BSN: variants seen among roughly 807,000 people sequenced by gnomAD.
BSN encodes the protein protein bassoon.
Under a neutral mutation model 264.8 loss-of-function variants are expected in BSN, and 57 were observed. The observed-to-expected ratio is 0.22, with a 90% CI of 0.17 to 0.27. BSN has a LOEUF of 0.27. Among genes scored for constraint, BSN ranks in the 10% least tolerant of loss-of-function variants. BSN has a pLI of 1.00. For missense variants in BSN, 4,615 were observed against 5,232.5 expected (o/e 0.88, Z 3.64); for synonymous variants, 2,059 against 2,137.3 (o/e 0.96, Z 1.01).
chr3:49,604,874 C>T (rs1180319628), intron 1 of BSN, among the ~76,000 whole-genome samples: 2 of 151,880 alleles, frequency 1.3e-5, no homozygotes, highest in Non-Finnish European at 2.9e-5. Flanking sequence ...TCCCTACCTG[C>T]AATCCACAAC....
intron 1 of BSN, among the ~76,000 whole-genome samples, chr3:49,562,344 A>C (rs1411336920): frequency 6.6e-6 from 1 of 152,188 alleles, no homozygotes; most frequent in Non-Finnish European, 1.5e-5. Context: ...GTGAGGAATA[A>C]AAGAAGGAGC....
At chr3:49,592,234 C>G (rs1316225310) in intron 1 of BSN, among the ~76,000 whole-genome samples, 1 of 151,278 alleles carries the variant, frequency 6.6e-6, no homozygotes, top group Admixed American at 6.6e-5. Context: ...CTCAGCCTCC[C>G]GAGTACCTGG....
Position 49,661,649 on chromosome 3 carries a change from G to C in BSN, c.9804G>C (p.Glu3268Asp), listed in dbSNP as rs768615230. 3.7e-6 allele frequency: 6 copies of C among 1,613,648 alleles called. No individual in the cohort carries two copies. Among genetic ancestry groups the C allele is most frequent in the Non-Finnish European group, 5.1e-6 (6 of 1,180,040 alleles). The change falls in exon 6 of 12, where the codon GAG becomes GAC. Residue 3268 changes from glutamate (E) to aspartate (D), a missense_variant. Transcript: ENST00000296452. ...GPGSSGRPGK[E>D]PGEPGVLDGP... is the part of the protein sequence containing the mutation. ...GCAGCAGTGGGCGTCCAGGGAAGGA[G>C]CCTGGAGAACCAGGTGTCCTTGACG...
In BSN at chr3:49,654,662, A is replaced by C. The variant is rs1262058611; in HGVS notation, c.5106A>C (p.Pro1702=). 3.1e-6 allele frequency: 5 copies of C among 1,613,844 alleles called. No homozygotes were observed. Among genetic ancestry groups the C allele is most frequent in the Non-Finnish European group, 4.2e-6 (5 of 1,180,034 alleles). The change falls in exon 5 of 12, where the codon CCA becomes CCC. Residue 1702 remains proline, a synonymous_variant. Transcript: ENST00000296452. This position sits in a 1 kb window ranked among gnomAD's most constrained non-coding sequence, Gnocchi z 4.1. ...EARKYGLALD[P]IPGRQSTAVQ... is the part of the protein sequence containing the mutation. ...GGAAGTATGGTCTTGCCCTGGATCC[A>C]ATCCCAGGACGGCAGTCGACCGCCG...
intron 1 of BSN, among the ~76,000 whole-genome samples, chr3:49,592,710 C>T (rs2051989046): frequency 1.3e-5 from 2 of 150,556 alleles, no homozygotes; most frequent in African/African-American, 2.4e-5. Context: ...GAGATAGCGC[C>T]GCTGCACTCT....
rs1446847990 is a variant in BSN at position 49,638,739 on chromosome 3, G to A, written c.634-3529G>A. 1.3e-5 allele frequency among the ~76,000 whole-genome samples: 2 copies of A among 152,216 alleles called. No homozygotes were observed. The highest frequency in any genetic ancestry group is 2.4e-5 in the African/African-American group (1 of 41,452). On this transcript the variant is annotated intron_variant, in intron 2 of 11. Coordinates refer to ENST00000296452, the MANE Select transcript of BSN (RefSeq NM_003458.4). The surrounding 1 kb of genome is among the most constrained non-coding windows in gnomAD (Gnocchi z 4.3). ...GGGCTGGGGAAAGGAAAGTTCTGGCGGTGAGTGCAGGCGGTTTGGCACGTG... is the reference window on the plus strand; with the variant it reads ...GGGCTGGGGAAAGGAAAGTTCTGGCAGTGAGTGCAGGCGGTTTGGCACGTG...
chr3:49,582,789 A>G (rs1206294638), intron 1 of BSN, among the ~76,000 whole-genome samples: 1 of 152,120 alleles, frequency 6.6e-6, no homozygotes, highest in Non-Finnish European at 1.5e-5. Flanking sequence ...AACTTTTCAT[A>G]AATAGTCCTT....
At chr3:49,606,298 TA>T (rs1372977893) in intron 1 of BSN, among the ~76,000 whole-genome samples, 3 of 112,734 alleles carry the variant, frequency 2.7e-5, no homozygotes, top group East Asian at 2.1e-4. Flanking sequence ...TTATATATAT[TA>T]AAAATATATA....
intron 3 of BSN, among the ~76,000 whole-genome samples, chr3:49,647,220 A>T (rs2052508415): frequency 6.6e-6 from 1 of 152,194 alleles, no homozygotes; most frequent in Non-Finnish European, 1.5e-5. Flanking sequence ...ACAAGGCACA[A>T]TGGCCAGTGG....
At position 49,617,953 on chromosome 3, in the gene BSN, C is replaced by T. The variant is rs2052274472; in HGVS notation, c.225-7022C>T. ...TTCTCGGCTTTCACATACGTAGACT[C>T]ATCATGGCATGGGGCATTGTTGAGT... On this transcript the variant is annotated intron_variant, in intron 1 of 11. Coordinates refer to ENST00000296452, the MANE Select transcript of BSN (RefSeq NM_003458.4). Among the ~76,000 whole-genome samples, 2 of 152,196 alleles carry T rather than the reference C, an allele frequency of 1.3e-5. 1 individual carries two copies. Among genetic ancestry groups the T allele is most frequent in the South Asian group, 4.1e-4 (2 of 4,832 alleles).
chr3:49,660,884 G>A lies in BSN; in HGVS notation c.9039G>A (p.Ser3013=), dbSNP rs145502370. 7.2e-5 allele frequency: 116 copies of A among 1,613,050 alleles called. No homozygotes were observed. In the African/African-American group the frequency reaches 1.3e-3, roughly 18 times the overall value. ...TTGGCGAGCATCGTGACTACCTATC[G>A]GACAGTGAGCTCAACCAGCTGCGGC... ...RGLGEHRDYL[S]DSELNQLRLQ... is the part of the protein sequence containing the mutation. Residue 3013 remains serine, a synonymous_variant, in exon 6 of 12, where the codon TCG becomes TCA. Transcript: ENST00000296452. The surrounding 1 kb of genome is among the most constrained non-coding windows in gnomAD (Gnocchi z 7.1).
At position 49,583,864 on chromosome 3, in the gene BSN, G is replaced by A. The variant is rs148875896; in HGVS notation, c.224+29038G>A. Among the ~76,000 whole-genome samples, 281 of 151,644 alleles carry A rather than the reference G, an allele frequency of 1.9e-3. 1 individual carries two copies. Among genetic ancestry groups the A allele is most frequent in the African/African-American group, 6.5e-3 (269 of 41,306 alleles). ...TGTTCATAGTATTCTCTTGCAATCC[G>A]ATTTATTTATTTATTTATTTATTTA... On this transcript the variant is annotated intron_variant, in intron 1 of 11. Transcript: ENST00000296452.
intron 1 of BSN, among the ~76,000 whole-genome samples, chr3:49,610,212 A>T (rs1450338792): frequency 2.6e-5 from 4 of 152,134 alleles, no homozygotes; most frequent in Non-Finnish European, 5.9e-5. Context: ...TCAAGTTCCC[A>T]TGCTTTTGTA....
At chr3:49,590,477 C>CT (rs1189387546) in intron 1 of BSN, among the ~76,000 whole-genome samples, 5 of 151,622 alleles carry the variant, frequency 3.3e-5, no homozygotes, top group East Asian at 1.9e-4. Flanking sequence ...TAATTTACTA[C>CT]TTTTTTTTAT....
Position 49,661,146 on chromosome 3 carries a change from C to T in BSN, c.9301C>T (p.Pro3101Ser). 6.2e-7 allele frequency: 1 copy of T among 1,613,166 alleles called. No homozygotes were observed. Among genetic ancestry groups the T allele is most frequent in the Non-Finnish European group, 8.5e-7 (1 of 1,179,950 alleles). ...APAFPPGASY[P>S]AEPGLPNQQA... is the part of the protein sequence containing the mutation. ...TGCCTTTCCTCCTGGTGCCAGTTACCCAGCTGAGCCTGGCCTGCCAAACCA... is the reference window on the plus strand; with the variant it reads ...TGCCTTTCCTCCTGGTGCCAGTTACTCAGCTGAGCCTGGCCTGCCAAACCA... Residue 3101 changes from proline (P) to serine (S), a missense_variant, in exon 6 of 12, where the codon CCA becomes TCA. Pro to Ser is a moderately conservative substitution (Grantham distance 74). This residue lies in a region of BSN where 3,415 missense variants were observed against 3,866.4 expected (regional missense o/e 0.88). Transcript: ENST00000296452.
chr3:49,590,772 A>T (rs2051971961), intron 1 of BSN, among the ~76,000 whole-genome samples: 1 of 151,984 alleles, frequency 6.6e-6, no homozygotes, highest in Non-Finnish European at 1.5e-5. Flanking sequence ...ACTTTATGTA[A>T]TATTATATAA....
intron 2 of BSN, among the ~76,000 whole-genome samples, chr3:49,635,750 G>C (rs903658698): frequency 6.6e-6 from 1 of 152,152 alleles, no homozygotes; most frequent in African/African-American, 2.4e-5. Context: ...GAAGGTGGGA[G>C]GATTGCTTGA....
In BSN at chr3:49,660,492, G is replaced by A; in HGVS notation, c.8647G>A (p.Ala2883Thr). 6.5e-7 allele frequency: 1 copy of A among 1,530,500 alleles called. No homozygotes were observed. The highest frequency in any genetic ancestry group is 1.3e-5 in the South Asian group (1 of 77,270). The allele number at this position is 1,530,500 out of a possible 1,614,324, so 94.8% of individuals were successfully genotyped here. A position where few individuals can be genotyped will look rare whatever the true frequency, so the allele number is the denominator to read the frequency against. ...ACCCTTCCCTCTGTCTCAGGTGTCG[G>A]CGTTGCCACCCAACAGCCTGGTCCG... ...HQGGLGSQVSALPPNSLVRKV... is the reference protein window; with the variant it reads ...HQGGLGSQVSTLPPNSLVRKV... Residue 2883 changes from alanine (A) to threonine (T), a missense_variant, in exon 6 of 12, where the codon GCG becomes ACG. Physicochemically the swap from Ala to Thr is moderately conservative, Grantham distance 58. Transcript: ENST00000296452. This position sits in a 1 kb window ranked among gnomAD's most constrained non-coding sequence, Gnocchi z 7.1.
Position 49,656,241 on chromosome 3 carries a change from G to A in BSN, c.6685G>A (p.Ala2229Thr), listed in dbSNP as rs746523889. Reference sequence around the variant, plus strand: ...GCGTGGTGGCATGTACAGGCCTTACGCATCTGGTGGAATCACAGCCGTGCC... The same window carrying A: ...GCGTGGTGGCATGTACAGGCCTTACACATCTGGTGGAATCACAGCCGTGCC... ...MVRGGMYRPY[A>T]SGGITAVPLT... is the part of the protein sequence containing the mutation. The change falls in exon 5 of 12, where the codon GCA (alanine) becomes ACA (threonine). Residue 2229 changes from alanine to threonine, a missense_variant. By Grantham distance (58) the Ala-to-Thr change is moderately conservative. Coordinates refer to ENST00000296452, the MANE Select transcript of BSN (RefSeq NM_003458.4). 20 of 1,611,372 alleles carry A rather than the reference G, an allele frequency of 1.2e-5. No individual in the cohort carries two copies. Among genetic ancestry groups the A allele is most frequent in the South Asian group, 2.2e-5 (2 of 90,724 alleles).
Sources: allele counts gnomAD v4.1 joint callset (sites outside exome capture counted in the v4.1 genomes callset), GRCh38; gene constraint gnomAD v4.1.1; regional missense constraint gnomAD v4.1.1; non-coding constraint Gnocchi (gnomAD v3.1); transcripts MANE v1.5; gene names NCBI Gene and HGNC (gene_info 2026-07-23, HGNC 2026-07-21).